The following EVA1C variants were observed in gnomAD, a reference collection of about 807,000 sequenced individuals.
The protein encoded by EVA1C is protein eva-1 homolog C.
A neutral mutation model predicts 45.4 loss-of-function variants in EVA1C; 25 were observed. That is an observed-to-expected ratio of 0.55 (90% confidence interval 0.40 to 0.77). EVA1C has a LOEUF of 0.77. Among genes scored for constraint, EVA1C ranks in the 30% least tolerant of loss-of-function variants. The pLI is 0.00. For synonymous variants in EVA1C, 190 were observed against 221.2 expected, an observed-to-expected ratio of 0.86 and a Z score of 1.25; for missense variants, 479 against 554.8, an observed-to-expected ratio of 0.86 and a Z score of 1.37.
chr21:32,493,790 ATTTAT>A (rs2037248837), intron 4 of EVA1C: 1 of 150,308 alleles, frequency 6.7e-6, no homozygotes, highest in South Asian at 2.1e-4. Context: ...TTATTTATTT[ATTTAT>A]TTATTTATTT....
At chr21:32,478,115 A>G (rs2036649557) in intron 4 of EVA1C, among the ~76,000 whole-genome samples, 1 of 150,338 alleles carries the variant, frequency 6.7e-6, no homozygotes, top group African/African-American at 2.5e-5. Context: ...GTTATGAGCT[A>G]ACTTATGTCC....
intron 1 of EVA1C, among the ~76,000 whole-genome samples, chr21:32,413,392 T>G (rs1268657653): frequency 6.6e-6 from 1 of 152,254 alleles, no homozygotes; most frequent in African/African-American, 2.4e-5. Flanking sequence ...GCGCCGCGTT[T>G]GTCACCCGCG....
intron 3 of EVA1C, among the ~76,000 whole-genome samples, chr21:32,458,268 T>C (rs1398869407): frequency 6.6e-6 from 1 of 152,182 alleles, no homozygotes; most frequent in African/African-American, 2.4e-5. Context: ...ATTCTGATTC[T>C]TGTTGTTTTC....
intron 4 of EVA1C, among the ~76,000 whole-genome samples, chr21:32,471,031 T>C (rs2036352106): frequency 6.6e-6 from 1 of 152,034 alleles, no homozygotes; most frequent in East Asian, 1.9e-4. Flanking sequence ...AGTACTGGGA[T>C]TACAGGCGTG....
At position 32,475,499 on chromosome 21, in the gene EVA1C, C is replaced by T. The variant is rs1027839052; in HGVS notation, c.634+7651C>T. On this transcript the variant is annotated intron_variant, in intron 4 of 7. Coordinates refer to ENST00000300255, the MANE Select transcript of EVA1C (RefSeq NM_058187.5). ...TTTTTTTTTGGATTTCTCTCCAAGT[C>T]GAGTATGAGCTGAGGACTGTTTTAC... Among the ~76,000 whole-genome samples the T allele has an allele frequency of 1.2e-4, 17 of 140,214 alleles. No individual in the cohort carries two copies. The South Asian group carries it at 1.8e-3, about 15-fold the overall frequency. 92.0% of individuals were successfully genotyped at this position (140,214 alleles called of 152,430 possible). A position where few individuals can be genotyped will look rare whatever the true frequency, so the allele number is the denominator to read the frequency against.
At chr21:32,437,840 A>G (rs1173178183) in intron 1 of EVA1C, among the ~76,000 whole-genome samples, 3 of 152,330 alleles carry the variant, frequency 2.0e-5, no homozygotes, top group African/African-American at 7.2e-5. Context: ...GGCCAGGGCC[A>G]TAGTGGGTCT....
intron 4 of EVA1C, among the ~76,000 whole-genome samples, chr21:32,479,498 TAAC>T (rs138122583): frequency 0.013 from 1,917 of 151,852 alleles, 31 homozygotes; most frequent in Admixed American, 0.038. Context: ...AAATAACCAC[TAAC>T]AACAACAACA....
At chr21:32,432,636 A>C (rs1370891964) in intron 1 of EVA1C, among the ~76,000 whole-genome samples, 9 of 151,858 alleles carry the variant, frequency 5.9e-5, no homozygotes, top group Non-Finnish European at 1.3e-4. Context: ...TGCTCTTGAA[A>C]ATGTTGTTCC....
Position 32,501,408 on chromosome 21 carries a change from C to A in EVA1C, c.779-7C>A, listed in dbSNP as rs774482044. 1.3e-6 allele frequency: 2 copies of A among 1,581,470 alleles called. No homozygotes were observed. The highest frequency in any genetic ancestry group is 3.6e-5 in the Admixed American group (2 of 55,590). On this transcript the variant is annotated splice_region_variant and splice_polypyrimidine_tract_variant and intron_variant, in intron 5 of 7. Coordinates refer to ENST00000300255, the MANE Select transcript of EVA1C (RefSeq NM_058187.5). ...CGAATTTAAAATATTTCTTTTTTGG[C>A]TTTTAGTTCCCAAGAACATACTCAC...
chr21:32,488,728 G>C (rs898875050), intron 4 of EVA1C, among the ~76,000 whole-genome samples: 1 of 152,054 alleles, frequency 6.6e-6, no homozygotes, highest in Non-Finnish European at 1.5e-5. Flanking sequence ...TGGGATTACA[G>C]GCACACGCCA....
chr21:32,495,717 A>C (rs2037331921), intron 5 of EVA1C, among the ~76,000 whole-genome samples: 1 of 152,226 alleles, frequency 6.6e-6, no homozygotes, highest in Non-Finnish European at 1.5e-5. Flanking sequence ...ATGTCTTTAA[A>C]TGATAAAATG....
At chr21:32,497,568 A>AT (rs1021390415) in intron 5 of EVA1C, among the ~76,000 whole-genome samples, 2 of 151,990 alleles carry the variant, frequency 1.3e-5, no homozygotes, top group African/African-American at 2.4e-5. Context: ...TTACTAAAAC[A>AT]TTTTTTTTAA....
chr21:32,465,462 G>A (rs74778709), intron 3 of EVA1C, among the ~76,000 whole-genome samples: 2,445 of 152,290 alleles, frequency 0.016, 49 homozygotes, highest in Admixed American at 0.039. Context: ...GCACCTGTCC[G>A]CTATGTGGTT....
intron 4 of EVA1C, among the ~76,000 whole-genome samples, chr21:32,472,251 C>T (rs555667813): frequency 5.3e-5 from 8 of 152,242 alleles, no homozygotes; most frequent in South Asian, 4.1e-4. Flanking sequence ...CTCCACCTCC[C>T]GGGTTCAGGT....
At chr21:32,491,451 G>A (rs555290171) in intron 4 of EVA1C, among the ~76,000 whole-genome samples, 6 of 151,966 alleles carry the variant, frequency 3.9e-5, no homozygotes, top group African/African-American at 1.2e-4. Context: ...CACTTTGGGC[G>A]GCCGAGGCGG....
intron 4 of EVA1C, among the ~76,000 whole-genome samples, chr21:32,480,970 A>T (rs950250902): frequency 7.0e-6 from 1 of 142,490 alleles, no homozygotes; most frequent in Non-Finnish European, 1.5e-5. Context: ...TCAAAAAAAA[A>T]AAAATAAATA....
intron 4 of EVA1C, among the ~76,000 whole-genome samples, chr21:32,468,710 G>T (rs2036270597): frequency 6.6e-6 from 1 of 152,068 alleles, no homozygotes; most frequent in Non-Finnish European, 1.5e-5. Context: ...ACATTTTTCT[G>T]CCTGCTTTAC....
intron 1 of EVA1C, among the ~76,000 whole-genome samples, chr21:32,430,904 C>T (rs1323566923): frequency 6.9e-6 from 1 of 145,358 alleles, no homozygotes; most frequent in Non-Finnish European, 1.5e-5. Context: ...ACCGAGGAGG[C>T]GGAGGTTGCA....
rs533728030 is a variant in EVA1C, at chr21:32,427,793, G to A, written c.160+14780G>A. ...AGCACTGTGGGAGGCCAAGGTGGGAGGATGACTTGAAGGCAGGAGTTTGAG... is the reference window on the plus strand; with the variant it reads ...AGCACTGTGGGAGGCCAAGGTGGGAAGATGACTTGAAGGCAGGAGTTTGAG... On this transcript the variant is annotated intron_variant, in intron 1 of 7. Coordinates refer to ENST00000300255, the MANE Select transcript of EVA1C (RefSeq NM_058187.5). 6.7e-5 allele frequency among the ~76,000 whole-genome samples: 10 copies of A among 149,886 alleles called. No homozygotes were observed. In the South Asian group the frequency reaches 1.9e-3, roughly 28 times the overall value.
Sources: gnomAD v4.1 joint callset for allele counts (sites outside exome capture counted in the v4.1 genomes callset) on GRCh38, gnomAD v4.1.1 for gene constraint, MANE v1.5 for transcripts, NCBI Gene and HGNC (gene_info 2026-07-23, HGNC 2026-07-21) for gene names.